Variants in NPNT observed in about 807,000 individuals in gnomAD.
NPNT encodes preosteoblast EGF-like repeat protein with MAM domain.
NPNT carries 45 observed loss-of-function variants against 68.6 expected under a neutral mutation model. The ratio of observed to expected loss-of-function variants is 0.66; its 90% CI spans 0.52 to 0.84. The LOEUF (loss-of-function observed/expected upper bound fraction) is 0.84. Among genes scored for constraint, NPNT ranks in the 40% least tolerant of loss-of-function variants. The probability of loss-of-function intolerance (pLI) is 0.00; values close to 1 mark genes in which losing one functional copy is unlikely to be tolerated. For synonymous variants in NPNT, 233 were observed against 253.3 expected, an observed-to-expected ratio of 0.92 and a Z score of 0.76; for missense variants, 672 against 714.8, an observed-to-expected ratio of 0.94 and a Z score of 0.68.
At chr4:105,910,456 A>G (rs941127466) in intron 2 of NPNT, among the ~76,000 whole-genome samples, 13 of 152,180 alleles carry the variant, frequency 8.5e-5, no homozygotes, top group African/African-American at 2.4e-4. Context: ...ATTATGTGCT[A>G]TGAATGAATC....
chr4:105,909,995 A>G (rs1727231284), intron 2 of NPNT, among the ~76,000 whole-genome samples: 1 of 152,038 alleles, frequency 6.6e-6, no homozygotes, highest in Non-Finnish European at 1.5e-5. Flanking sequence ...ACTTGGCCTA[A>G]TACTTAGACA....
chr4:105,901,259 G>GT (rs1415341959), intron 2 of NPNT, among the ~76,000 whole-genome samples: 4 of 152,282 alleles, frequency 2.6e-5, no homozygotes, highest in African/African-American at 9.6e-5. Context: ...GGATAACTGA[G>GT]TTCAAGTTCT....
chr4:105,937,115 TG>T lies in NPNT; in HGVS notation c.374del (p.Gly125ValfsTer7). ...CLNGYMLMPD[G>X]SCSSALTCSM... The stretch of plus-strand genomic sequence containing the variant: ...TCAACGGATATATGCTCATGCCGGA[TG>T]GTTCCTGCTCAAGTATGTCAAGAAT... On this transcript the variant is annotated frameshift_variant, in exon 4 of 12. Coordinates refer to ENST00000379987, the MANE Select transcript of NPNT (RefSeq NM_001033047.3). LOFTEE classifies it high-confidence loss of function. 1 of 1,613,640 alleles carries T rather than the reference TG, an allele frequency of 6.2e-7. No individual in the cohort carries two copies. Among genetic ancestry groups the T allele is most frequent in the Non-Finnish European group, 8.5e-7 (1 of 1,179,686 alleles).
chr4:105,940,437 T>C, intron 6 of NPNT, 77 bp from the exon 7 acceptor site: 1 of 1,439,454 alleles, frequency 6.9e-7, no homozygotes, highest in Non-Finnish European at 9.6e-7. Context: ...AAAATCATTT[T>C]TGAAACTGTA....
At chr4:105,940,414 C>T in intron 6 of NPNT, 100 bp from the exon 7 acceptor site, 2 of 1,230,886 alleles carry the variant, frequency 1.6e-6, no homozygotes, top group South Asian at 2.8e-5. Context: ...TGTAGATCAT[C>T]ACATTGCCAA....
At chr4:105,911,639 A>G (rs973596117) in intron 2 of NPNT, 6 of 154,210 alleles carry the variant, frequency 3.9e-5, no homozygotes, top group African/African-American at 7.2e-5. Context: ...CAAAGCAGCC[A>G]TGCAAGAAGA....
chr4:105,943,730 C>A (rs72970405), intron 8 of NPNT, among the ~76,000 whole-genome samples: 3,500 of 152,270 alleles, frequency 0.023, 126 homozygotes, highest in African/African-American at 0.079. Flanking sequence ...CTCCTTTATA[C>A]ATTACCAGTT....
intron 9 of NPNT, 113 bp from the exon 10 acceptor site, chr4:105,958,915 G>C (rs772715553): frequency 1.5e-6 from 1 of 685,506 alleles, no homozygotes; most frequent in East Asian, 2.6e-5. Context: ...AGAAGCTCTG[G>C]TTATATGGAT....
chr4:105,955,152 G>A (rs1160735776), intron 8 of NPNT, among the ~76,000 whole-genome samples: 1 of 152,180 alleles, frequency 6.6e-6, no homozygotes, highest in Non-Finnish European at 1.5e-5. Context: ...TTCAACTGCA[G>A]AGAATAGCAG....
rs144094990 is a variant in NPNT at position 105,928,880 on chromosome 4, T to C, written c.265+1452T>C. ...ACTGTTCTTCAGTGTCTGATACTTA[T>C]TCCAAGATACTCCTTGAGGTATGTC... On this transcript the variant is annotated intron_variant, in intron 3 of 11. Transcript: ENST00000379987. Among the ~76,000 whole-genome samples, 198 of 152,300 alleles carry C rather than the reference T, an allele frequency of 1.3e-3. 2 individuals are homozygous for C. The highest frequency in any genetic ancestry group is 4.5e-3 in the African/African-American group (188 of 41,578).
intron 3 of NPNT, chr4:105,929,642 GT>G (rs1728957667): frequency 6.6e-6 from 1 of 151,818 alleles, no homozygotes; most frequent in Non-Finnish European, 1.5e-5. Context: ...TTTTAAAGTG[GT>G]GAACATAAGC....
intron 2 of NPNT, among the ~76,000 whole-genome samples, chr4:105,908,188 C>A (rs1320154552): frequency 1.3e-5 from 2 of 151,380 alleles, no homozygotes; most frequent in Non-Finnish European, 2.9e-5. Context: ...CATTTTCTGC[C>A]ATACATTAGC....
chr4:105,905,034 C>T (rs1360319703), intron 2 of NPNT, among the ~76,000 whole-genome samples: 1 of 151,826 alleles, frequency 6.6e-6, no homozygotes, highest in Non-Finnish European at 1.5e-5. Flanking sequence ...CCGCGCCCGG[C>T]CATTAGCCAT....
chr4:105,968,793 T>A, intron 11 of NPNT, 102 bp from the exon 12 acceptor site: 1 of 633,618 alleles, frequency 1.6e-6, no homozygotes, highest in South Asian at 2.2e-5. Context: ...CAAAATAAGT[T>A]TAAAATTGGT....
At chr4:105,951,704 T>C (rs7677557) in intron 8 of NPNT, among the ~76,000 whole-genome samples, 15,119 of 152,258 alleles carry the variant, frequency 0.099, 854 homozygotes, top group Non-Finnish European at 0.13. Flanking sequence ...CTGTGAATTC[T>C]GAAAGTTTTC....
At chr4:105,916,948 T>C (rs1334296575) in intron 2 of NPNT, among the ~76,000 whole-genome samples, 1 of 152,062 alleles carries the variant, frequency 6.6e-6, no homozygotes, top group African/African-American at 2.4e-5. Context: ...CAGGAAACAG[T>C]TTAATGAGAA....
chr4:105,940,060 G>T lies in NPNT; in HGVS notation c.506-15G>T. 1 of 1,611,642 alleles carries T rather than the reference G, an allele frequency of 6.2e-7. No individual in the cohort carries two copies. Among genetic ancestry groups the T allele is most frequent in the South Asian group, 1.1e-5 (1 of 91,024 alleles). ...CCCTTGCTCTTCCTAAAATGCTATT[G>T]ACTTATGTTTCTAGATGTTGATGAA... On this transcript the variant is annotated splice_polypyrimidine_tract_variant and intron_variant, in intron 5 of 11. Coordinates refer to ENST00000379987, the MANE Select transcript of NPNT (RefSeq NM_001033047.3).
chr4:105,898,361 TC>T (rs1560881956), intron 2 of NPNT, among the ~76,000 whole-genome samples: 47 of 139,286 alleles, frequency 3.4e-4, no homozygotes, highest in Middle Eastern at 3.6e-3. Context: ...TCTCTCTCTC[TC>T]TCTCTCTCTC....
intron 2 of NPNT, among the ~76,000 whole-genome samples, chr4:105,902,422 G>C (rs1276138158): frequency 6.6e-6 from 1 of 152,190 alleles, no homozygotes; most frequent in Non-Finnish European, 1.5e-5. Flanking sequence ...GGTGGGGATT[G>C]TACTGTTTAC....
Sources: gnomAD v4.1 joint callset for allele counts (sites outside exome capture counted in the v4.1 genomes callset) on GRCh38, gnomAD v4.1.1 for gene constraint, MANE v1.5 for transcripts, NCBI Gene and HGNC (gene_info 2026-07-23, HGNC 2026-07-21) for gene names.